The following NBEA variants were observed in gnomAD, a reference collection of about 807,000 sequenced individuals.
NBEA encodes neurobeachin, also known as lysosomal-trafficking regulator 2.
In NBEA, 44 loss-of-function variants were observed where a neutral mutation model predicts 343.4. That is an observed-to-expected ratio of 0.13 (90% confidence interval 0.10 to 0.16). NBEA has a LOEUF of 0.16. NBEA is among the 10% of genes least tolerant of loss of function. The pLI is 1.00. For synonymous variants in NBEA, 1,175 were observed against 1,238.7 expected (o/e 0.95, Z 1.08); for missense variants, 2,555 against 3,631.3 (o/e 0.70, Z 7.62).
At chr13:35,014,858 G>A (rs1431819811) in intron 1 of NBEA, among the ~76,000 whole-genome samples, 6 of 152,046 alleles carry the variant, frequency 3.9e-5, no homozygotes, top group African/African-American at 1.4e-4. Context: ...GGGAGAGGTT[G>A]AAGAGCACGA....
chr13:34,948,723 C>G (rs2059262714), intron 1 of NBEA, among the ~76,000 whole-genome samples: 1 of 152,078 alleles, frequency 6.6e-6, no homozygotes, highest in Non-Finnish European at 1.5e-5. Context: ...TACAGAGCAG[C>G]TGTTTAAATT....
At position 35,173,503 on chromosome 13, in the gene NBEA, A is replaced by G. The variant is rs1407121616; in HGVS notation, c.4463A>G (p.Gln1488Arg). The G allele has an allele frequency of 6.2e-7, 1 of 1,610,178 alleles. No individual in the cohort carries two copies. Among genetic ancestry groups the G allele is most frequent in the Non-Finnish European group, 8.5e-7 (1 of 1,177,670 alleles). ...VAVRNCLECR[Q>R]RQRDRGNKSS... The stretch of plus-strand genomic sequence containing the variant: ...GTGAGAAACTGTTTAGAATGTCGGC[A>G]AAGACAGAGAGACAGGGGAAATAAA... Residue 1488 changes from glutamine to arginine, a missense_variant, in exon 27 of 59, where the codon CAA becomes CGA. By Grantham distance (43) the Gln-to-Arg change is conservative. Around this residue, in one of 21 missense-constraint regions of NBEA, gnomAD observed 168 missense variants for 193.0 expected, o/e 0.87. Coordinates refer to ENST00000379939, the MANE Select transcript of NBEA (RefSeq NM_001385012.1).
intron 38 of NBEA, among the ~76,000 whole-genome samples, chr13:35,356,251 C>T (rs1026987526): frequency 1.3e-5 from 2 of 151,968 alleles, no homozygotes; most frequent in African/African-American, 4.8e-5. Flanking sequence ...AGTGTTAGAG[C>T]CAGCAACACT....
intron 10 of NBEA, among the ~76,000 whole-genome samples, chr13:35,090,883 G>A (rs2065046306): frequency 6.6e-6 from 1 of 151,940 alleles, no homozygotes; most frequent in Admixed American, 6.6e-5. Flanking sequence ...GGGAACAAGA[G>A]CAGAATTCAC....
chr13:35,443,243 A>T (rs184949608), intron 39 of NBEA, among the ~76,000 whole-genome samples: 1 of 152,100 alleles, frequency 6.6e-6, no homozygotes. Context: ...AAAAGTCTGT[A>T]CAAGTTCCTT....
At chr13:35,508,210 C>A (rs1369674419) in intron 41 of NBEA, among the ~76,000 whole-genome samples, 1 of 152,008 alleles carries the variant, frequency 6.6e-6, no homozygotes, top group Non-Finnish European at 1.5e-5. Flanking sequence ...TGAAGGGCTG[C>A]AGATGAGAAA....
chr13:35,018,818 T>C (rs2061738435), intron 1 of NBEA, among the ~76,000 whole-genome samples: 1 of 152,218 alleles, frequency 6.6e-6, no homozygotes, highest in South Asian at 2.1e-4. Flanking sequence ...TTGCTTTATT[T>C]ATGACCTTAG....
At chr13:35,232,460 A>T in intron 33 of NBEA, 32 bp from the exon 34 acceptor site, 5 of 1,365,978 alleles carry the variant, frequency 3.7e-6, no homozygotes, top group Non-Finnish European at 5.0e-6. Context: ...ATTGAATTAT[A>T]TTTATTAGTT....
intron 38 of NBEA, among the ~76,000 whole-genome samples, chr13:35,369,485 G>A (rs2041311416): frequency 6.6e-6 from 1 of 151,718 alleles, no homozygotes; most frequent in African/African-American, 2.4e-5. Context: ...ATAATATGAT[G>A]ATATTAACAA....
chr13:35,387,598 A>G (rs902275962), intron 38 of NBEA, among the ~76,000 whole-genome samples: 1 of 152,160 alleles, frequency 6.6e-6, no homozygotes, highest in Non-Finnish European at 1.5e-5. Context: ...ACAGGAAAAC[A>G]GGCTTAATTT....
intron 40 of NBEA, among the ~76,000 whole-genome samples, chr13:35,468,909 G>T (rs940956343): frequency 2.3e-4 from 35 of 151,906 alleles, no homozygotes; most frequent in African/African-American, 8.2e-4. Flanking sequence ...GACTAGTCTG[G>T]CCAACATGGT....
At position 35,179,719 on chromosome 13, in the gene NBEA, A is replaced by G. The variant is rs144006902; in HGVS notation, c.4662+2616A>G. 1,175 of 947,172 alleles carry G rather than the reference A, an allele frequency of 1.2e-3. 29 individuals are homozygous for G. The Admixed American group carries it at 0.055, about 45-fold the overall frequency. The allele number at this position is 947,172 out of a possible 1,614,324, so 58.7% of individuals were successfully genotyped here. The stretch of plus-strand genomic sequence containing the variant: ...AATGCCTTCTGATTGCCTGGTACTG[A>G]GTTTCTAGTGTTAGAAATAGAAGTA... On this transcript the variant is annotated intron_variant, in intron 28 of 58. Transcript: ENST00000379939.
chr13:35,413,070 A>T (rs748405538), intron 38 of NBEA, among the ~76,000 whole-genome samples: 22 of 152,184 alleles, frequency 1.4e-4, no homozygotes, highest in Non-Finnish European at 2.2e-4. Flanking sequence ...GTAGGAAGGG[A>T]ATATTACTAA....
rs187404532 is a variant in NBEA, at chr13:35,032,560, T to C, written c.295-8373T>C. Among the ~76,000 whole-genome samples the C allele has an allele frequency of 2.0e-4, 30 of 151,978 alleles. No homozygotes were observed. The East Asian group carries it at 3.8e-3, about 19-fold the overall frequency. ...GGATGTTAGACCTTTGTCAGATGCATAGTTTGAAAATATTTTCTTATATTC... is the reference window on the plus strand; with the variant it reads ...GGATGTTAGACCTTTGTCAGATGCACAGTTTGAAAATATTTTCTTATATTC... On this transcript the variant is annotated intron_variant, in intron 1 of 58. Coordinates refer to ENST00000379939, the MANE Select transcript of NBEA (RefSeq NM_001385012.1).
chr13:35,367,019 C>T (rs1333396230), intron 38 of NBEA, among the ~76,000 whole-genome samples: 1 of 151,250 alleles, frequency 6.6e-6, no homozygotes, highest in Non-Finnish European at 1.5e-5. Context: ...GTAAGAATCT[C>T]TATTCTTTTT....
At chr13:35,617,555 G>A (rs1030542923) in intron 48 of NBEA, among the ~76,000 whole-genome samples, 1 of 152,168 alleles carries the variant, frequency 6.6e-6, no homozygotes, top group Non-Finnish European at 1.5e-5. Context: ...CAGAATTAGA[G>A]CTAAAGGAAA....
At chr13:35,050,161 C>T in intron 5 of NBEA, 108 bp from the exon 6 acceptor site, 2 of 928,776 alleles carry the variant, frequency 2.2e-6, no homozygotes, top group Non-Finnish European at 1.5e-6. Context: ...TAAACTGCTT[C>T]TACTGTACAG....
intron 38 of NBEA, among the ~76,000 whole-genome samples, chr13:35,392,846 G>C (rs887502900): frequency 8.5e-5 from 13 of 152,276 alleles, no homozygotes; most frequent in African/African-American, 3.1e-4. Context: ...AAGATGTTTT[G>C]AGGTGCAGAA....
chr13:35,622,260 A>T (rs2083027355), intron 48 of NBEA, among the ~76,000 whole-genome samples: 1 of 152,150 alleles, frequency 6.6e-6, no homozygotes, highest in Non-Finnish European at 1.5e-5. Flanking sequence ...TTATATCAGG[A>T]AGTCCTGAGA....
Sources: allele counts gnomAD v4.1 joint callset (sites outside exome capture counted in the v4.1 genomes callset), GRCh38; gene constraint gnomAD v4.1.1; regional missense constraint gnomAD v4.1.1; transcripts MANE v1.5; gene names NCBI Gene and HGNC (gene_info 2026-07-23, HGNC 2026-07-21).